CHODL: variants seen among roughly 807,000 people sequenced by gnomAD.
The protein encoded by CHODL is transmembrane protein MT75.
In CHODL, 29 loss-of-function variants were observed where a neutral mutation model predicts 34.5. That is an observed-to-expected ratio of 0.84 (90% confidence interval 0.63 to 1.15). CHODL has a LOEUF of 1.15. Among genes scored for constraint, CHODL ranks in the 50% most tolerant of loss-of-function variants. The pLI is 0.00. For missense variants in CHODL, 332 were observed against 332.5 expected, an observed-to-expected ratio of 1.00 and a Z score of 0.01; for synonymous variants, 125 against 116.1, an observed-to-expected ratio of 1.08 and a Z score of -0.49.
intron 2 of CHODL, among the ~76,000 whole-genome samples, chr21:18,213,326 A>G (rs2073791955): frequency 6.6e-6 from 1 of 152,138 alleles, no homozygotes; most frequent in African/African-American, 2.4e-5. Flanking sequence ...GGAGGTAGAA[A>G]GAAATCTTTC....
chr21:17,923,547 C>T lies in CHODL; in HGVS notation c.-145+6147C>T, dbSNP rs574781951. Among the ~76,000 whole-genome samples the T allele has an allele frequency of 1.4e-4, 21 of 150,646 alleles. 1 individual carries two copies. The highest frequency in any genetic ancestry group is 6.8e-3 in the Middle Eastern group (2 of 292). On this transcript the variant is annotated intron_variant, in intron 1 of 6. Transcript: ENST00000400127. Reference sequence around the variant, plus strand: ...CACAATCTCGGCTCACTGCAACCTCCGCCTCCTGGGTTCAAGCAATTCTCC... The same window carrying T: ...CACAATCTCGGCTCACTGCAACCTCTGCCTCCTGGGTTCAAGCAATTCTCC...
chr21:18,264,165 C>T (rs911947675), intron 5 of CHODL, among the ~76,000 whole-genome samples: 3 of 151,930 alleles, frequency 2.0e-5, no homozygotes, highest in African/African-American at 7.3e-5. Flanking sequence ...GGGAATTCTG[C>T]AATGTCTGGT....
chr21:18,094,897 G>A (rs1360317114), intron 2 of CHODL, among the ~76,000 whole-genome samples: 1 of 152,090 alleles, frequency 6.6e-6, no homozygotes, highest in African/African-American at 2.4e-5. Context: ...GCTGAAGCAG[G>A]CAGATCTCCT....
intron 2 of CHODL, among the ~76,000 whole-genome samples, chr21:18,039,294 T>C (rs2064347529): frequency 6.6e-6 from 1 of 151,806 alleles, no homozygotes. Flanking sequence ...TTTTGATTGT[T>C]CATGATAATG....
At chr21:18,015,333 G>T (rs2064062087) in intron 1 of CHODL, among the ~76,000 whole-genome samples, 1 of 152,160 alleles carries the variant, frequency 6.6e-6, no homozygotes, top group African/African-American at 2.4e-5. Flanking sequence ...ACTGTGTGAA[G>T]ATGTGCTTGC....
At chr21:18,173,112 T>C (rs774325432) in intron 2 of CHODL, among the ~76,000 whole-genome samples, 5 of 152,192 alleles carry the variant, frequency 3.3e-5, no homozygotes, top group Non-Finnish European at 7.4e-5. Context: ...CTGACCTCTA[T>C]ACCCTTTGTT....
At position 17,927,154 on chromosome 21, in the gene CHODL, A is replaced by G. The variant is rs1182847261; in HGVS notation, c.-145+9754A>G. On this transcript the variant is annotated intron_variant, in intron 1 of 6. Transcript: ENST00000400127. ...TATATGTATATATGTATATATGTAT[A>G]TATATGTATATATGTATATATGTAT... is the stretch of plus-strand genomic sequence containing the variant. 9.5e-4 allele frequency among the ~76,000 whole-genome samples: 56 copies of G among 59,050 alleles called. 1 individual carries two copies. The highest frequency in any genetic ancestry group is 2.7e-3 in the African/African-American group (55 of 20,318). The allele number at this position is 59,050 out of a possible 152,430, so 38.7% of individuals were successfully genotyped here.
chr21:18,173,302 G>A (rs2073254026), intron 2 of CHODL, among the ~76,000 whole-genome samples: 1 of 152,168 alleles, frequency 6.6e-6, no homozygotes, highest in African/African-American at 2.4e-5. Context: ...TCAGGAGCAA[G>A]TTATAGGTCC....
intron 1 of CHODL, among the ~76,000 whole-genome samples, chr21:17,979,885 A>G (rs1311038852): frequency 6.6e-6 from 1 of 152,194 alleles, no homozygotes; most frequent in Non-Finnish European, 1.5e-5. Flanking sequence ...TCTCTATTCC[A>G]AAGAATCCAA....
chr21:18,246,322 C>A (rs940309206), intron 1 of CHODL, among the ~76,000 whole-genome samples: 2 of 152,128 alleles, frequency 1.3e-5, no homozygotes, highest in Non-Finnish European at 2.9e-5. Context: ...TAGCCCTTTT[C>A]ACTTTTGTAC....
chr21:17,994,960 T>C (rs2063834550), intron 1 of CHODL, among the ~76,000 whole-genome samples: 1 of 152,148 alleles, frequency 6.6e-6, no homozygotes, highest in Non-Finnish European at 1.5e-5. Context: ...ATACTTTGGC[T>C]TCCTTTGTTT....
chr21:18,224,904 G>A (rs1342804302), intron 2 of CHODL, among the ~76,000 whole-genome samples: 1 of 151,942 alleles, frequency 6.6e-6, no homozygotes, highest in Middle Eastern at 3.4e-3. Context: ...TCATCAGGGC[G>A]GCCTTAGGGA....
At chr21:17,954,224 A>G (rs2063480556) in intron 1 of CHODL, among the ~76,000 whole-genome samples, 1 of 152,214 alleles carries the variant, frequency 6.6e-6, no homozygotes, top group Non-Finnish European at 1.5e-5. Context: ...GGGAAGGCAT[A>G]AAAGTCTTAA....
chr21:18,232,757 G>A (rs911765945), intron 2 of CHODL, among the ~76,000 whole-genome samples: 37 of 151,706 alleles, frequency 2.4e-4, no homozygotes, highest in Non-Finnish European at 3.5e-4. Context: ...GGTGTCTGAA[G>A]GAGGAAATAA....
intron 2 of CHODL, among the ~76,000 whole-genome samples, chr21:18,083,368 C>G (rs1568876730): frequency 2.0e-5 from 3 of 152,350 alleles, no homozygotes; most frequent in African/African-American, 7.2e-5. Flanking sequence ...AGAGCCTCTG[C>G]TAGGGCAGTC....
At chr21:18,027,101 A>G (rs1166966524) in intron 1 of CHODL, among the ~76,000 whole-genome samples, 1 of 85,836 alleles carries the variant, frequency 1.2e-5, no homozygotes, top group Non-Finnish European at 2.3e-5. Context: ...ACATAGTGAG[A>G]CCCCTATTAC....
chr21:18,227,069 C>T (rs907046422), intron 2 of CHODL, among the ~76,000 whole-genome samples: 2 of 152,166 alleles, frequency 1.3e-5, no homozygotes, highest in African/African-American at 4.8e-5. Flanking sequence ...GGCCCATATT[C>T]TCACAGATGG....
chr21:17,995,831 T>A (rs1407252300), intron 1 of CHODL, among the ~76,000 whole-genome samples: 1 of 152,226 alleles, frequency 6.6e-6, no homozygotes, highest in Non-Finnish European at 1.5e-5. Context: ...AGGAATCAGT[T>A]CTTTCAACCT....
At chr21:18,193,706 A>AAAAT (rs1248865869) in intron 2 of CHODL, among the ~76,000 whole-genome samples, 1 of 141,014 alleles carries the variant, frequency 7.1e-6, no homozygotes, top group African/African-American at 2.8e-5. Context: ...AGAAAAAAAA[A>AAAAT]AAAATAAAAT....
Sources: allele counts gnomAD v4.1 joint callset (sites outside exome capture counted in the v4.1 genomes callset), GRCh38; gene constraint gnomAD v4.1.1; transcripts MANE v1.5; gene names NCBI Gene and HGNC (gene_info 2026-07-23, HGNC 2026-07-21).